The following ZHX3 variants were observed in gnomAD, a reference collection of about 807,000 sequenced individuals.
The protein encoded by ZHX3 is zinc fingers and homeoboxes 3.
A neutral mutation model predicts 64.5 loss-of-function variants in ZHX3; 20 were observed. The ratio of observed to expected loss-of-function variants is 0.31; its 90% CI spans 0.22 to 0.45. The LOEUF (loss-of-function observed/expected upper bound fraction) is 0.45, where lower values mean the gene tolerates loss of function less well. Ranked by LOEUF, ZHX3 falls within the 20% of genes least tolerant of loss-of-function variation. ZHX3 has a pLI of 1.00. For missense variants in ZHX3, 1,041 were observed against 1,195.8 expected (o/e 0.87, Z 1.91); for synonymous variants, 423 against 461.6 (o/e 0.92, Z 1.07).
chr20:41,235,753 G>T (rs1384370078), intron 2 of ZHX3, among the ~76,000 whole-genome samples: 1 of 152,158 alleles, frequency 6.6e-6, no homozygotes, highest in African/African-American at 2.4e-5. Flanking sequence ...TCAACATAGT[G>T]TTGGAAGTTC....
At chr20:41,240,846 A>G (rs1270116996) in intron 2 of ZHX3, among the ~76,000 whole-genome samples, 1 of 152,186 alleles carries the variant, frequency 6.6e-6, no homozygotes, top group Non-Finnish European at 1.5e-5. Flanking sequence ...ACAAGATCTC[A>G]TTCTTTTGTA....
chr20:41,238,230 G>A (rs533632055), intron 2 of ZHX3, among the ~76,000 whole-genome samples: 7 of 152,252 alleles, frequency 4.6e-5, no homozygotes, highest in Admixed American at 2.0e-4. Flanking sequence ...CATTTATGTC[G>A]AACTCATAGA....
At chr20:41,255,819 T>C (rs1270672019) in intron 2 of ZHX3, among the ~76,000 whole-genome samples, 1 of 152,008 alleles carries the variant, frequency 6.6e-6, no homozygotes, top group African/African-American at 2.4e-5. Flanking sequence ...CAGAGAAGAG[T>C]TGGCTCCCTT....
At chr20:41,269,263 T>C (rs2043009478) in intron 1 of ZHX3, 180 bp from the exon 2 acceptor site, 1 of 152,216 alleles carries the variant, frequency 6.6e-6, no homozygotes, top group South Asian at 2.1e-4. Context: ...TTGAAACTAT[T>C]AAAATTCCTA....
In ZHX3 at chr20:41,189,783, A is replaced by G. The variant is rs1342619679; in HGVS notation, c.2861-4582T>C. On this transcript the variant is annotated intron_variant, in intron 3 of 3. Transcript: ENST00000683867. The stretch of plus-strand genomic sequence containing the variant: ...CAGATCATGTCATCTGCAAAAAGGG[A>G]CAATTTTTCTCTTTTCCAATTTGGA... Among the ~76,000 whole-genome samples the G allele has an allele frequency of 2.6e-5, 4 of 152,142 alleles. No homozygotes were observed. The East Asian group carries it at 7.7e-4, about 29-fold the overall frequency.
In ZHX3 at chr20:41,202,548, C is replaced by G; in HGVS notation, c.2369G>C (p.Ser790Thr). The change falls in exon 3 of 4, where the codon AGC becomes ACC. Residue 790 changes from serine (S) to threonine (T), a missense_variant. By Grantham distance (58) the Ser-to-Thr change is moderately conservative. Coordinates refer to ENST00000683867, the MANE Select transcript of ZHX3 (RefSeq NM_001384317.1). This position sits in a 1 kb window ranked among gnomAD's most constrained non-coding sequence, Gnocchi z 7.0. ...RQLFVQTQWP[S>T]NQDYDSIMAQ... ...CATGATGGAGTCATAGTCCTGGTTG[C>G]TTGGCCACTGTGTCTGGACAAAGAG... is the stretch of plus-strand genomic sequence containing the variant. 6.2e-7 allele frequency: 1 copy of G among 1,614,142 alleles called. No individual in the cohort carries two copies. Among genetic ancestry groups the G allele is most frequent in the Non-Finnish European group, 8.5e-7 (1 of 1,180,034 alleles).
At chr20:41,233,593 G>A (rs2146399734) in intron 2 of ZHX3, among the ~76,000 whole-genome samples, 1 of 152,310 alleles carries the variant, frequency 6.6e-6, no homozygotes, top group South Asian at 2.1e-4. Context: ...CCCTGTGTCT[G>A]AGATTCACAG....
rs757705884 is a variant in ZHX3 at position 41,203,344 on chromosome 20, C to T, written c.1573G>A (p.Glu525Lys). The part of the protein sequence containing the change: ...RNQFPGQSEV[E>K]HLTKVTGLST... ...AGGCCCGTCACTTTTGTGAGATGTT[C>T]AACTTCGCTCTGCCCTGGGAACTGG... The change falls in exon 3 of 4, where the codon GAA (glutamate) becomes AAA (lysine). Residue 525 changes from glutamate to lysine, a missense_variant. By Grantham distance (56) the Glu-to-Lys change is moderately conservative. Transcript: ENST00000683867. The surrounding 1 kb of genome is among the most constrained non-coding windows in gnomAD (Gnocchi z 7.1). 2.5e-6 allele frequency: 4 copies of T among 1,614,144 alleles called. No homozygotes were observed. The highest frequency in any genetic ancestry group is 8.5e-7 in the Non-Finnish European group (1 of 1,180,018).
chr20:41,285,977 T>C (rs916414015), intron 1 of ZHX3, among the ~76,000 whole-genome samples: 9 of 152,238 alleles, frequency 5.9e-5, no homozygotes, highest in South Asian at 2.1e-4. Context: ...AGAGTTCTTA[T>C]ATTGACAAGG....
chr20:41,258,764 C>A (rs1366509312), intron 2 of ZHX3, among the ~76,000 whole-genome samples: 1 of 152,114 alleles, frequency 6.6e-6, no homozygotes, highest in Non-Finnish European at 1.5e-5. Context: ...TTTTCCACTA[C>A]CAATTTATGA....
rs2036296640 is a variant in ZHX3 at position 41,182,912 on chromosome 20, A to G, written c.*2279T>C. ...AAATTAACCGTGAATACAAGTAACCAAGAAAATCCTCTCCACAGACCAACT... is the reference window on the plus strand; with the variant it reads ...AAATTAACCGTGAATACAAGTAACCGAGAAAATCCTCTCCACAGACCAACT... On this transcript the variant is annotated 3_prime_UTR_variant, in exon 4 of 4. Coordinates refer to ENST00000683867, the MANE Select transcript of ZHX3 (RefSeq NM_001384317.1). This position sits in a 1 kb window ranked among gnomAD's most constrained non-coding sequence, Gnocchi z 6.1. 6.6e-6 allele frequency: 1 copy of G among 152,278 alleles called. No individual in the cohort carries two copies. The highest frequency in any genetic ancestry group is 2.4e-5 in the African/African-American group (1 of 41,466). The allele number at this position is 152,278 out of a possible 1,614,324, so 9.4% of individuals were successfully genotyped here.
intron 1 of ZHX3, among the ~76,000 whole-genome samples, chr20:41,285,893 A>G (rs555051519): frequency 7.2e-5 from 11 of 152,342 alleles, no homozygotes; most frequent in African/African-American, 2.4e-4. Flanking sequence ...GATACATACA[A>G]AAGGTTTAGC....
intron 2 of ZHX3, among the ~76,000 whole-genome samples, chr20:41,229,037 T>A (rs75068753): frequency 0.072 from 10,885 of 152,214 alleles, 429 homozygotes; most frequent in Middle Eastern, 0.17. Context: ...CTTATAAAAC[T>A]GAAACCTTAC....
intron 2 of ZHX3, among the ~76,000 whole-genome samples, chr20:41,208,238 T>C (rs941644340): frequency 2.0e-5 from 3 of 152,160 alleles, no homozygotes; most frequent in African/African-American, 7.2e-5. Context: ...ACCAGACAGA[T>C]CCACAGCTGA....
In ZHX3 at chr20:41,224,582, A is replaced by G. The variant is rs1163947764; in HGVS notation, c.-150-19516T>C. ...AATACAACCAAAAACTGAGCTAGAT[A>G]CAAGTTCTATTCTCCCCCTCACAGA... On this transcript the variant is annotated intron_variant, in intron 2 of 3. Transcript: ENST00000683867. The surrounding 1 kb of genome is among the most constrained non-coding windows in gnomAD (Gnocchi z 5.2). Among the ~76,000 whole-genome samples, 2 of 152,218 alleles carry G rather than the reference A, an allele frequency of 1.3e-5. No individual in the cohort carries two copies. Among genetic ancestry groups the G allele is most frequent in the Admixed American group, 1.3e-4 (2 of 15,280 alleles).
intron 2 of ZHX3, among the ~76,000 whole-genome samples, chr20:41,265,279 C>G (rs1278261995): frequency 6.6e-6 from 1 of 151,458 alleles, no homozygotes; most frequent in Non-Finnish European, 1.5e-5. Context: ...CTTGGCTCAC[C>G]GCAACCCCCG....
intron 2 of ZHX3, among the ~76,000 whole-genome samples, chr20:41,217,744 T>C (rs1413101446): frequency 2.6e-5 from 4 of 152,228 alleles, no homozygotes; most frequent in Non-Finnish European, 5.9e-5. Flanking sequence ...GAATTGGTTA[T>C]TATTGGCCTT....
chr20:41,210,882 A>AT (rs998774012), intron 2 of ZHX3, among the ~76,000 whole-genome samples: 1 of 152,166 alleles, frequency 6.6e-6, no homozygotes, highest in Non-Finnish European at 1.5e-5. Context: ...GCTTTTAAGT[A>AT]TTTTTTTAAA....
intron 1 of ZHX3, among the ~76,000 whole-genome samples, chr20:41,275,634 G>A (rs1287467834): frequency 1.3e-5 from 2 of 152,228 alleles, no homozygotes; most frequent in African/African-American, 4.8e-5. Flanking sequence ...ACATCCGTAG[G>A]AGACTCACTC....
Sources: allele counts gnomAD v4.1 joint callset (sites outside exome capture counted in the v4.1 genomes callset), GRCh38; gene constraint gnomAD v4.1.1; non-coding constraint Gnocchi (gnomAD v3.1); transcripts MANE v1.5; gene names NCBI Gene and HGNC (gene_info 2026-07-23, HGNC 2026-07-21).